Variants in OLA1 observed in about 807,000 individuals in gnomAD.
OLA1 encodes obg-like ATPase 1.
OLA1 carries 14 observed loss-of-function variants against 48.4 expected under a neutral mutation model. That is an observed-to-expected ratio of 0.29 (90% confidence interval 0.19 to 0.45). The LOEUF (loss-of-function observed/expected upper bound fraction) is 0.45, where lower values mean the gene tolerates loss of function less well. Ranked by LOEUF, OLA1 falls within the 20% of genes least tolerant of loss-of-function variation. The pLI, the probability that OLA1 is intolerant of heterozygous loss-of-function variation, is 1.00. For missense variants in OLA1, 325 were observed against 467.1 expected, an observed-to-expected ratio of 0.70 and a Z score of 2.80; for synonymous variants, 127 against 150.4, an observed-to-expected ratio of 0.84 and a Z score of 1.14.
In OLA1 at chr2:174,125,715, T is replaced by C. The variant is rs191415435; in HGVS notation, c.550-2040A>G. Among the ~76,000 whole-genome samples, 27 of 152,326 alleles carry C rather than the reference T, an allele frequency of 1.8e-4. 2 individuals carry two copies. In the East Asian group the frequency reaches 3.7e-3, roughly 21 times the overall value. On this transcript the variant is annotated intron_variant, in intron 5 of 10. Coordinates refer to ENST00000284719, the MANE Select transcript of OLA1 (RefSeq NM_013341.5). Reference sequence around the variant, plus strand: ...CATTATTTCAGATATAGAAATCTTATCACAAAAGCATTTTGGCATTTGCTT... The same window carrying C: ...CATTATTTCAGATATAGAAATCTTACCACAAAAGCATTTTGGCATTTGCTT...
chr2:174,145,510 A>ATTACAATTCTC (rs1345577621), intron 4 of OLA1, among the ~76,000 whole-genome samples: 1 of 152,174 alleles, frequency 6.6e-6, no homozygotes, highest in African/African-American at 2.4e-5. Context: ...AGTTACTTTT[A>ATTACAATTCTC]TTACAATTCT....
chr2:174,231,563 A>AT (rs530151275), intron 2 of OLA1, among the ~76,000 whole-genome samples: 26 of 152,160 alleles, frequency 1.7e-4, no homozygotes, highest in Admixed American at 7.9e-4. Context: ...ATGTTTTGTG[A>AT]TTTTTTAAAA....
At chr2:174,113,840 C>T (rs1187535364) in intron 7 of OLA1, among the ~76,000 whole-genome samples, 1 of 152,128 alleles carries the variant, frequency 6.6e-6, no homozygotes, top group Non-Finnish European at 1.5e-5. Context: ...TACCACTTAC[C>T]TGCTCCAAGA....
At position 174,178,507 on chromosome 2, in the gene OLA1, A is replaced by G. The variant is rs767820639; in HGVS notation, c.374-36507T>C. Among the ~76,000 whole-genome samples the G allele has an allele frequency of 9.1e-4, 139 of 152,136 alleles. 1 individual carries two copies. Among genetic ancestry groups the G allele is most frequent in the East Asian group, 5.8e-4 (3 of 5,192 alleles). ...TCAAAATTTAATTAATTCATGAGCA[A>G]GAAAAAATATAGTAAACTTACTCTA... On this transcript the variant is annotated intron_variant, in intron 4 of 10. Coordinates refer to ENST00000284719, the MANE Select transcript of OLA1 (RefSeq NM_013341.5).
At chr2:174,140,175 T>A (rs536277752) in intron 5 of OLA1, among the ~76,000 whole-genome samples, 1 of 152,058 alleles carries the variant, frequency 6.6e-6, no homozygotes, top group Non-Finnish European at 1.5e-5. Context: ...AATAGGTAAA[T>A]ACCTGGTAAA....
chr2:174,098,309 C>T (rs528155903), intron 7 of OLA1, among the ~76,000 whole-genome samples: 2 of 152,292 alleles, frequency 1.3e-5, no homozygotes, highest in South Asian at 4.1e-4. Flanking sequence ...AAGACTTATT[C>T]TTTCTTAAAG....
chr2:174,129,350 C>A (rs1360711988), intron 5 of OLA1, among the ~76,000 whole-genome samples: 2 of 151,616 alleles, frequency 1.3e-5, no homozygotes, highest in Admixed American at 6.6e-5. Flanking sequence ...CCCAGCTACT[C>A]GGGAGGCTGA....
At chr2:174,230,388 T>C (rs778464022) in intron 2 of OLA1, among the ~76,000 whole-genome samples, 1 of 152,044 alleles carries the variant, frequency 6.6e-6, no homozygotes, top group Non-Finnish European at 1.5e-5. Context: ...GAATAACCAA[T>C]AGTTATGAAA....
chr2:174,227,094 TAA>T (rs537871702), intron 3 of OLA1, among the ~76,000 whole-genome samples: 1 of 143,996 alleles, frequency 6.9e-6, no homozygotes. Flanking sequence ...ATTCTGTCTT[TAA>T]AAAAAAAAAG....
At chr2:174,164,880 G>T (rs1687124870) in intron 4 of OLA1, among the ~76,000 whole-genome samples, 1 of 152,146 alleles carries the variant, frequency 6.6e-6, no homozygotes, top group Non-Finnish European at 1.5e-5. Context: ...AAAATTTATT[G>T]CAAGACTTGA....
chr2:174,091,588 T>G (rs1685113408), intron 7 of OLA1, among the ~76,000 whole-genome samples: 1 of 152,142 alleles, frequency 6.6e-6, no homozygotes, highest in African/African-American at 2.4e-5. Context: ...CTTTTTAACA[T>G]CTTTTAAAAA....
At chr2:174,151,655 T>A in intron 4 of OLA1, among the ~76,000 whole-genome samples, 1 of 152,204 alleles carries the variant, frequency 6.6e-6, no homozygotes, top group East Asian at 1.9e-4. Context: ...AAGTATTACC[T>A]TATGTCAGAA....
chr2:174,134,268 T>C (rs1047183348), intron 5 of OLA1, among the ~76,000 whole-genome samples: 1 of 152,238 alleles, frequency 6.6e-6, no homozygotes, highest in Non-Finnish European at 1.5e-5. Context: ...ATTTTTTTTC[T>C]TTCCCCAGAG....
chr2:174,121,063 A>G (rs1685904093), intron 7 of OLA1, among the ~76,000 whole-genome samples: 1 of 152,202 alleles, frequency 6.6e-6, no homozygotes, highest in Non-Finnish European at 1.5e-5. Flanking sequence ...AATTAAAAGG[A>G]TTTAGTAGTT....
At chr2:174,204,221 G>A (rs1688057940) in intron 4 of OLA1, among the ~76,000 whole-genome samples, 1 of 151,988 alleles carries the variant, frequency 6.6e-6, no homozygotes, top group Admixed American at 6.5e-5. Context: ...CTAACATGGT[G>A]AAACCCCGTC....
chr2:174,138,422 C>G (rs899666289), intron 5 of OLA1, among the ~76,000 whole-genome samples: 4 of 152,182 alleles, frequency 2.6e-5, no homozygotes, highest in African/African-American at 9.7e-5. Flanking sequence ...CTTCTATGTG[C>G]ATCGTTCATG....
chr2:174,123,307 T>C, intron 6 of OLA1, 30 bp from the exon 7 acceptor site: 1 of 1,061,874 alleles, frequency 9.4e-7, no homozygotes, highest in South Asian at 1.5e-5. Context: ...AAGAATCCCT[T>C]TTAAAAGTTT....
At chr2:174,151,895 T>C (rs893438297) in intron 4 of OLA1, among the ~76,000 whole-genome samples, 5 of 152,194 alleles carry the variant, frequency 3.3e-5, no homozygotes, top group African/African-American at 1.2e-4. Context: ...AAACTAGTTA[T>C]TGCACACTCC....
chr2:174,143,430 T>C (rs531255103), intron 4 of OLA1, among the ~76,000 whole-genome samples: 3 of 152,256 alleles, frequency 2.0e-5, no homozygotes, highest in Admixed American at 2.0e-4. Flanking sequence ...AATAGCATGA[T>C]AAAATAGGAA....
Sources: gnomAD v4.1 joint callset for allele counts (sites outside exome capture counted in the v4.1 genomes callset) on GRCh38, gnomAD v4.1.1 for gene constraint, MANE v1.5 for transcripts, NCBI Gene and HGNC (gene_info 2026-07-23, HGNC 2026-07-21) for gene names.